The following DLG2 variants were observed in gnomAD, a reference collection of about 807,000 sequenced individuals.
The protein encoded by DLG2 is discs large MAGUK scaffold protein 2.
DLG2 carries 45 observed loss-of-function variants against 132.5 expected under a neutral mutation model. That is an observed-to-expected ratio of 0.34 (90% CI 0.27 to 0.44). DLG2 has a LOEUF of 0.44. Among genes scored for constraint, DLG2 ranks in the 20% least tolerant of loss-of-function variants. DLG2 has a pLI of 1.00. For missense variants in DLG2, 1,045 were observed against 1,196.9 expected (o/e 0.87, Z 1.87); for synonymous variants, 424 against 419.6 (o/e 1.01, Z -0.13).
intron 6 of DLG2, among the ~76,000 whole-genome samples, chr11:84,635,447 A>G (rs1449698985): frequency 4.6e-5 from 7 of 152,184 alleles, no homozygotes. Context: ...ACGGAAAGCT[A>G]AAGCATTTAG....
chr11:83,618,101 G>A (rs1013126480), intron 19 of DLG2, among the ~76,000 whole-genome samples: 25 of 152,010 alleles, frequency 1.6e-4, no homozygotes, highest in African/African-American at 6.0e-4. Flanking sequence ...TTTATTGAAT[G>A]GTTTTCCTGT....
chr11:84,092,851 C>A (rs546551386), intron 10 of DLG2, among the ~76,000 whole-genome samples: 1 of 152,068 alleles, frequency 6.6e-6, no homozygotes, highest in East Asian at 1.9e-4. Flanking sequence ...GCCTGGCCAA[C>A]ATGGTGAAAC....
At chr11:85,334,557 A>G (rs2081996367) in intron 3 of DLG2, among the ~76,000 whole-genome samples, 1 of 152,134 alleles carries the variant, frequency 6.6e-6, no homozygotes, top group South Asian at 2.1e-4. Context: ...ACTTGTTAAC[A>G]TGGGCTTTTA....
At chr11:83,990,474 C>A (rs1357653357) in intron 11 of DLG2, among the ~76,000 whole-genome samples, 1 of 152,080 alleles carries the variant, frequency 6.6e-6, no homozygotes, top group Non-Finnish European at 1.5e-5. Flanking sequence ...ACACCATGAA[C>A]GGATCGTGGT....
At chr11:84,317,041 A>G in intron 7 of DLG2, 1 of 1,612,812 alleles carries the variant, frequency 6.2e-7, no homozygotes, top group Non-Finnish European at 8.5e-7. Flanking sequence ...TCTGCCAGCC[A>G]CAAGCACAGT....
chr11:83,469,495 G>T, intron 24 of DLG2, 122 bp from the exon 25 acceptor site: 1 of 713,820 alleles, frequency 1.4e-6, no homozygotes, highest in Non-Finnish European at 2.2e-6. Context: ...GAAGAAATAT[G>T]ACATAGTAAC....
At chr11:85,369,820 G>A (rs1300319140) in intron 3 of DLG2, among the ~76,000 whole-genome samples, 5 of 152,182 alleles carry the variant, frequency 3.3e-5, no homozygotes, top group African/African-American at 9.7e-5. Flanking sequence ...TGTGATGTCT[G>A]TACAAGGAGC....
chr11:85,099,863 G>GAA (rs1322522543), intron 6 of DLG2, among the ~76,000 whole-genome samples: 1 of 152,042 alleles, frequency 6.6e-6, no homozygotes, highest in Non-Finnish European at 1.5e-5. Flanking sequence ...TTTGTATCTA[G>GAA]AAAAAAATCA....
At chr11:84,393,072 G>A (rs2098798369) in intron 7 of DLG2, among the ~76,000 whole-genome samples, 1 of 152,120 alleles carries the variant, frequency 6.6e-6, no homozygotes, top group African/African-American at 2.4e-5. Context: ...AATAACGTGT[G>A]AGCTATAATG....
chr11:83,804,008 T>G (rs1280768692), intron 17 of DLG2, among the ~76,000 whole-genome samples: 3 of 152,162 alleles, frequency 2.0e-5, no homozygotes, highest in Admixed American at 6.6e-5. Flanking sequence ...GGCATCTGGC[T>G]GTTGCCCATA....
chr11:83,951,752 G>T (rs1446841563), intron 14 of DLG2, among the ~76,000 whole-genome samples: 1 of 152,166 alleles, frequency 6.6e-6, no homozygotes, highest in African/African-American at 2.4e-5. Context: ...AAGGGCTTTA[G>T]ATTTCACTCC....
chr11:84,187,676 T>A (rs2096305146), intron 8 of DLG2, among the ~76,000 whole-genome samples: 1 of 152,052 alleles, frequency 6.6e-6, no homozygotes, highest in African/African-American at 2.4e-5. Context: ...TCTGCTCATA[T>A]GAACAGGATT....
chr11:83,680,736 T>C (rs1229259437), intron 18 of DLG2, among the ~76,000 whole-genome samples: 1 of 152,138 alleles, frequency 6.6e-6, no homozygotes, highest in African/African-American at 2.4e-5. Context: ...AAAAAATATA[T>C]ATTCCATTTT....
intron 18 of DLG2, among the ~76,000 whole-genome samples, chr11:83,680,920 T>C (rs992261129): frequency 6.6e-5 from 10 of 152,096 alleles, no homozygotes; most frequent in Non-Finnish European, 1.3e-4. Flanking sequence ...GATGCTAAAA[T>C]GAGTTGCTTT....
chr11:84,859,613 A>G (rs1339132420), intron 6 of DLG2, among the ~76,000 whole-genome samples: 1 of 151,726 alleles, frequency 6.6e-6, no homozygotes, highest in Non-Finnish European at 1.5e-5. Flanking sequence ...TTGTGGAAAT[A>G]ACAAGTAGTA....
chr11:85,392,597 A>G (rs935287776), intron 3 of DLG2, among the ~76,000 whole-genome samples: 1 of 152,150 alleles, frequency 6.6e-6, no homozygotes, highest in East Asian at 1.9e-4. Flanking sequence ...TCACCAAAAC[A>G]ACATGGTATT....
intron 18 of DLG2, among the ~76,000 whole-genome samples, chr11:83,694,524 T>C (rs757049494): frequency 1.3e-5 from 2 of 152,068 alleles, no homozygotes; most frequent in Non-Finnish European, 2.9e-5. Context: ...TTGCTGAAAA[T>C]AGCTTCCCTC....
At chr11:84,747,893 T>G (rs907959578) in intron 6 of DLG2, among the ~76,000 whole-genome samples, 1 of 152,172 alleles carries the variant, frequency 6.6e-6, no homozygotes, top group African/African-American at 2.4e-5. Context: ...GTTCTGCGCC[T>G]AATAGAAGGA....
At chr11:84,170,946 A>C (rs779401618) in intron 8 of DLG2, among the ~76,000 whole-genome samples, 7 of 152,110 alleles carry the variant, frequency 4.6e-5, no homozygotes, top group Non-Finnish European at 7.4e-5. Context: ...GCCAGGTGAT[A>C]TCTCTCTGAC....
Sources: allele counts gnomAD v4.1 joint callset (sites outside exome capture counted in the v4.1 genomes callset), GRCh38; gene constraint gnomAD v4.1.1; transcripts MANE v1.5; gene names NCBI Gene and HGNC (gene_info 2026-07-23, HGNC 2026-07-21).